DGKH: variants seen among roughly 807,000 people sequenced by gnomAD.
DGKH encodes the protein DAG kinase eta.
In DGKH, 90 loss-of-function variants were observed where a neutral mutation model predicts 159.3. The observed-to-expected ratio is 0.57, with a 90% confidence interval of 0.48 to 0.67. The LOEUF is 0.67. Ranked by LOEUF, DGKH falls within the 30% of genes least tolerant of loss-of-function variation. DGKH has a pLI of 0.00. For missense variants in DGKH, 1,181 were observed against 1,506.1 expected, an observed-to-expected ratio of 0.78 and a Z score of 3.57; for synonymous variants, 536 against 553.8, an observed-to-expected ratio of 0.97 and a Z score of 0.45.
intron 29 of DGKH, among the ~76,000 whole-genome samples, chr13:42,250,489 A>T (rs1958613447): frequency 6.6e-6 from 1 of 152,168 alleles, no homozygotes; most frequent in African/African-American, 2.4e-5. Context: ...CCCCTATTTT[A>T]CAAATAATAA....
chr13:42,116,678 A>G (rs1954974637), intron 1 of DGKH, among the ~76,000 whole-genome samples: 1 of 152,232 alleles, frequency 6.6e-6, no homozygotes. Context: ...TTGGGGCATT[A>G]AAGTGGTTTT....
upstream of DGKH, among the ~76,000 whole-genome samples, chr13:42,046,269 A>G (rs1251993375): frequency 6.6e-6 from 1 of 152,222 alleles, no homozygotes; most frequent in Non-Finnish European, 1.5e-5. Flanking sequence ...TTCAGTTGCT[A>G]TTTTGAGCTA....
intron 1 of DGKH, among the ~76,000 whole-genome samples, chr13:42,118,155 T>C (rs1317815791): frequency 6.6e-6 from 1 of 152,026 alleles, no homozygotes; most frequent in Admixed American, 6.6e-5. Context: ...AGGCGGAGCT[T>C]GCAGTGAGCC....
intron 20 of DGKH, among the ~76,000 whole-genome samples, chr13:42,200,872 C>A (rs1441230823): frequency 6.6e-6 from 1 of 152,144 alleles, no homozygotes; most frequent in African/African-American, 2.4e-5. Context: ...CAGGAAGGTT[C>A]ACATTTTGTA....
intron 12 of DGKH, 56 bp from the exon 13 acceptor site, chr13:42,178,079 G>A (rs1956650632): frequency 2.2e-6 from 3 of 1,341,720 alleles, no homozygotes; most frequent in Admixed American, 1.9e-5. Flanking sequence ...GCAGCAATAA[G>A]TGAGTTGTAT....
chr13:42,059,994 C>G (rs1208951289), intron 1 of DGKH, among the ~76,000 whole-genome samples: 1 of 151,768 alleles, frequency 6.6e-6, no homozygotes, highest in Admixed American at 6.6e-5. Context: ...CAAACTCCGC[C>G]TACCAGGTTT....
At chr13:42,142,359 G>T (rs1385067001) in intron 3 of DGKH, among the ~76,000 whole-genome samples, 2 of 151,462 alleles carry the variant, frequency 1.3e-5, no homozygotes, top group African/African-American at 4.9e-5. Flanking sequence ...TTTTGGCTTG[G>T]GATTGACTTG....
At chr13:42,056,583 AG>A (rs1881777767) in intron 1 of DGKH, among the ~76,000 whole-genome samples, 2 of 152,246 alleles carry the variant, frequency 1.3e-5, no homozygotes, top group African/African-American at 4.8e-5. Context: ...ATTATACAAA[AG>A]TTTGAATATC....
chr13:42,251,820 T>A (rs534029405), intron 29 of DGKH, among the ~76,000 whole-genome samples: 15 of 152,338 alleles, frequency 9.8e-5, no homozygotes, highest in South Asian at 2.1e-4. Flanking sequence ...TTACAGCGTG[T>A]TCCCATTACA....
At position 42,153,184 on chromosome 13, in the gene DGKH, C is replaced by T. The variant is rs555703616; in HGVS notation, c.385-2107C>T. Among the ~76,000 whole-genome samples, 3 of 152,242 alleles carry T rather than the reference C, an allele frequency of 2.0e-5. No homozygotes were observed. In the South Asian group the frequency reaches 6.2e-4, roughly 32 times the overall value. On this transcript the variant is annotated intron_variant, in intron 3 of 29. Coordinates refer to ENST00000337343, the MANE Select transcript of DGKH (RefSeq NM_178009.5). ...ATTTTACTTTAGTAGTATATAAGTA[C>T]ACATGGTTTATTTTGCTGAAATCAT...
chr13:42,147,710 TA>T (rs1309943790), intron 3 of DGKH, among the ~76,000 whole-genome samples: 1 of 152,200 alleles, frequency 6.6e-6, no homozygotes, highest in African/African-American at 2.4e-5. Flanking sequence ...AAAGCCTACA[TA>T]AATAATTTCT....
chr13:42,191,942 C>A (rs1449498668), intron 16 of DGKH, among the ~76,000 whole-genome samples: 2 of 152,128 alleles, frequency 1.3e-5, no homozygotes, highest in Non-Finnish European at 2.9e-5. Context: ...GGGCAAATTT[C>A]TTAACCTCTT....
At chr13:42,135,491 GAA>G (rs757279736) in intron 3 of DGKH, among the ~76,000 whole-genome samples, 2 of 69,120 alleles carry the variant, frequency 2.9e-5, no homozygotes, top group South Asian at 5.5e-4. Context: ...CCCTGTCTCA[GAA>G]AAAAAAAAAA....
intron 1 of DGKH, among the ~76,000 whole-genome samples, chr13:42,064,554 G>A (rs772346254): frequency 3.3e-5 from 5 of 152,126 alleles, no homozygotes; most frequent in Admixed American, 6.5e-5. Flanking sequence ...GAGGGCTCGA[G>A]TCAGGTCCTA....
chr13:42,168,634 A>C, intron 10 of DGKH, 45 bp from the exon 11 acceptor site: 3 of 1,613,796 alleles, frequency 1.9e-6, no homozygotes, highest in African/African-American at 2.7e-5. Context: ...AGTAGTCCCT[A>C]TTTCTCAACT....
chr13:42,146,149 G>GGTTT (rs1594091910), intron 3 of DGKH, among the ~76,000 whole-genome samples: 1 of 76,250 alleles, frequency 1.3e-5, no homozygotes, highest in Non-Finnish European at 2.9e-5. Context: ...TTCTGGGGAG[G>GGTTT]CTTTTTTTTT....
intron 1 of DGKH, among the ~76,000 whole-genome samples, chr13:42,083,810 AAG>A (rs746797008): frequency 3.3e-5 from 5 of 152,208 alleles, no homozygotes; most frequent in African/African-American, 1.2e-4. Context: ...GCTAAATAAA[AAG>A]AGAGAGAAGA....
rs575495410 is a variant in DGKH at position 42,178,522 on chromosome 13, T to C, written c.1538+302T>C. Reference sequence around the variant, plus strand: ...TATTTAAGGAAATGTTTATGATTACTTATAATATGGAAAACACATTTCATT... The same window carrying C: ...TATTTAAGGAAATGTTTATGATTACCTATAATATGGAAAACACATTTCATT... On this transcript the variant is annotated intron_variant, in intron 13 of 29. Transcript: ENST00000337343. Among the ~76,000 whole-genome samples the C allele has an allele frequency of 3.9e-5, 6 of 152,334 alleles. No homozygotes were observed. In the South Asian group the frequency reaches 1.0e-3, roughly 26 times the overall value.
intron 24 of DGKH, among the ~76,000 whole-genome samples, chr13:42,212,670 A>T (rs1415216225): frequency 6.6e-6 from 1 of 152,188 alleles, no homozygotes; most frequent in Non-Finnish European, 1.5e-5. Flanking sequence ...TATTTTCAGA[A>T]TTTATTCATT....
Sources: allele counts gnomAD v4.1 joint callset (sites outside exome capture counted in the v4.1 genomes callset), GRCh38; gene constraint gnomAD v4.1.1; transcripts MANE v1.5; gene names NCBI Gene and HGNC (gene_info 2026-07-23, HGNC 2026-07-21).